Variants in ELAPOR2 observed in about 807,000 individuals in gnomAD.
ELAPOR2 encodes endosome/lysosome-associated apoptosis and autophagy regulator family member 2.
A neutral mutation model predicts 120.7 loss-of-function variants in ELAPOR2; 89 were observed. That is an observed-to-expected ratio of 0.74 (90% CI 0.62 to 0.88). The LOEUF (loss-of-function observed/expected upper bound fraction) is 0.88, where lower values mean the gene tolerates loss of function less well. Among genes scored for constraint, ELAPOR2 ranks in the 40% least tolerant of loss-of-function variants. ELAPOR2 has a pLI of 0.00. For missense variants in ELAPOR2, 1,134 were observed against 1,251.6 expected, an observed-to-expected ratio of 0.91 and a Z score of 1.42; for synonymous variants, 444 against 444.9, an observed-to-expected ratio of 1.00 and a Z score of 0.03.
intron 2 of ELAPOR2, among the ~76,000 whole-genome samples, chr7:86,950,641 TGCATGGTA>T (rs771173116): frequency 2.7e-4 from 41 of 152,242 alleles, no homozygotes; most frequent in Non-Finnish European, 2.4e-4. Context: ...TGCCTGGCTG[TGCATGGTA>T]GCCTGAACCC....
At chr7:86,883,013 G>A (rs545355259) in intron 21 of ELAPOR2, among the ~76,000 whole-genome samples, 30 of 145,668 alleles carry the variant, frequency 2.1e-4, no homozygotes, top group African/African-American at 3.7e-4. Context: ...CTGGATGATC[G>A]TTTGAAAGGG....
intron 1 of ELAPOR2, among the ~76,000 whole-genome samples, chr7:86,997,884 G>A (rs909100926): frequency 2.6e-5 from 4 of 152,094 alleles, no homozygotes; most frequent in African/African-American, 9.7e-5. Context: ...CTGAATTACT[G>A]TTTATAAAAA....
At chr7:86,892,879 T>G in intron 20 of ELAPOR2, 43 bp downstream of exon 20, 1 of 1,406,158 alleles carries the variant, frequency 7.1e-7, no homozygotes, top group Non-Finnish European at 9.3e-7. Flanking sequence ...CACAACAAAA[T>G]AGGCCCTCTA....
At chr7:86,945,588 C>T (rs534228281) in intron 3 of ELAPOR2, among the ~76,000 whole-genome samples, 7 of 152,092 alleles carry the variant, frequency 4.6e-5, no homozygotes, top group African/African-American at 1.7e-4. Flanking sequence ...AAACATAATA[C>T]CATTGTATTG....
chr7:87,017,322 A>T (rs1055216463), intron 1 of ELAPOR2, among the ~76,000 whole-genome samples: 2 of 152,224 alleles, frequency 1.3e-5, no homozygotes, highest in African/African-American at 4.8e-5. Flanking sequence ...GAAGTAGAAA[A>T]CAGTCTAAAT....
rs1232863452 is a variant in ELAPOR2, at chr7:86,938,895, A to G, written c.913T>C (p.Phe305Leu). 1 of 1,613,404 alleles carries G rather than the reference A, an allele frequency of 6.2e-7. No homozygotes were observed. Residue 305 changes from phenylalanine (F) to leucine (L), a missense_variant, in exon 7 of 22, where the codon TTC (phenylalanine) becomes CTC (leucine). This residue lies in a region of ELAPOR2 where 23 missense variants were observed against 52.4 expected (regional missense o/e 0.44). Coordinates refer to ENST00000450689, the MANE Select transcript of ELAPOR2 (RefSeq NM_001142749.3). ...TTTCTGGGACACACCTGGCAGTTGAATGAACCTGGTTTGTTGCTGAATGTG... is the reference window on the plus strand; with the variant it reads ...TTTCTGGGACACACCTGGCAGTTGAGTGAACCTGGTTTGTTGCTGAATGTG... Reference protein sequence around the residue: ...PGTFSNKPGSFNCQVCPRNTY... With the variant: ...PGTFSNKPGSLNCQVCPRNTY...
chr7:86,886,518 C>T (rs957495236), intron 21 of ELAPOR2, among the ~76,000 whole-genome samples: 1 of 152,038 alleles, frequency 6.6e-6, no homozygotes, highest in Non-Finnish European at 1.5e-5. Flanking sequence ...AGACTCATTA[C>T]CTCTTGATAT....
chr7:86,982,593 C>A (rs917912481), intron 1 of ELAPOR2, among the ~76,000 whole-genome samples: 4 of 152,164 alleles, frequency 2.6e-5, no homozygotes, highest in Non-Finnish European at 4.4e-5. Context: ...AGCTGAGGGA[C>A]CTGACTGTTA....
chr7:87,002,658 G>A (rs1242858050), intron 1 of ELAPOR2, among the ~76,000 whole-genome samples: 1 of 151,950 alleles, frequency 6.6e-6, no homozygotes, highest in Non-Finnish European at 1.5e-5. Context: ...CACTTCATTG[G>A]GGGTAGAGTT....
chr7:86,933,855 G>T (rs1393250121), intron 8 of ELAPOR2, among the ~76,000 whole-genome samples: 5 of 152,038 alleles, frequency 3.3e-5, no homozygotes, highest in Non-Finnish European at 7.4e-5. Flanking sequence ...ACTCAACAGG[G>T]AAAGATTCCA....
intron 1 of ELAPOR2, among the ~76,000 whole-genome samples, chr7:87,009,093 AAAAAC>A (rs1260127384): frequency 6.6e-6 from 1 of 152,228 alleles, no homozygotes. Context: ...ATGCTGAGCA[AAAAAC>A]AAAACAACGA....
chr7:86,915,243 G>A (rs985941847), intron 12 of ELAPOR2, among the ~76,000 whole-genome samples: 1 of 151,944 alleles, frequency 6.6e-6, no homozygotes, highest in Non-Finnish European at 1.5e-5. Context: ...AGTTATCATT[G>A]AATGGAAAGC....
intron 1 of ELAPOR2, among the ~76,000 whole-genome samples, chr7:87,054,930 C>T (rs1795216375): frequency 6.6e-6 from 1 of 152,228 alleles, no homozygotes. Flanking sequence ...CACAACTCCA[C>T]ACTCACATTT....
At chr7:86,919,148 C>T in intron 11 of ELAPOR2, 72 bp downstream of exon 11, 1 of 1,048,790 alleles carries the variant, frequency 9.5e-7, no homozygotes, top group South Asian at 1.4e-5. Context: ...TAAAGTAGCC[C>T]TACTTCTTTA....
chr7:87,034,223 G>A (rs1182791887), intron 1 of ELAPOR2, among the ~76,000 whole-genome samples: 1 of 152,100 alleles, frequency 6.6e-6, no homozygotes, highest in African/African-American at 2.4e-5. Context: ...GTAGCAGCTT[G>A]GATTCACAAG....
rs1357389648 is a variant in ELAPOR2 at position 86,905,178 on chromosome 7, G to A, written c.2558+2492C>T. Among the ~76,000 whole-genome samples the A allele has an allele frequency of 6.1e-5, 9 of 147,880 alleles. No individual in the cohort carries two copies. The East Asian group carries it at 1.8e-3, about 30-fold the overall frequency. ...AGAGAAAGAGAGAAAGAAAGAAAGA[G>A]AGAAAGAGAGAGAGAGAGAGAGAGA... On this transcript the variant is annotated intron_variant, in intron 18 of 21. Coordinates refer to ENST00000450689, the MANE Select transcript of ELAPOR2 (RefSeq NM_001142749.3).
chr7:87,007,840 C>T (rs1477184099), intron 1 of ELAPOR2, among the ~76,000 whole-genome samples: 1 of 152,040 alleles, frequency 6.6e-6, no homozygotes, highest in Non-Finnish European at 1.5e-5. Flanking sequence ...AAACTATTAA[C>T]TAAAATAAGA....
At chr7:86,958,232 C>G (rs1791555776) in intron 2 of ELAPOR2, among the ~76,000 whole-genome samples, 1 of 152,076 alleles carries the variant, frequency 6.6e-6, no homozygotes, top group Admixed American at 6.6e-5. Flanking sequence ...TTTTAGTTTC[C>G]TAATCTGCTT....
At chr7:87,040,801 A>T (rs1283377377) in intron 1 of ELAPOR2, among the ~76,000 whole-genome samples, 1 of 152,158 alleles carries the variant, frequency 6.6e-6, no homozygotes, top group South Asian at 2.1e-4. Flanking sequence ...GGCTTCAGAC[A>T]ATCAAATTAC....
Sources: gnomAD v4.1 joint callset for allele counts (sites outside exome capture counted in the v4.1 genomes callset) on GRCh38, gnomAD v4.1.1 for gene constraint, gnomAD v4.1.1 regional missense constraint, MANE v1.5 for transcripts, NCBI Gene and HGNC (gene_info 2026-07-23, HGNC 2026-07-21) for gene names.